Variants in SRBD1 observed in about 807,000 individuals in gnomAD.
SRBD1 encodes the protein S1 RNA-binding domain-containing protein 1.
A neutral mutation model predicts 115.3 loss-of-function variants in SRBD1; 88 were observed. That is an observed-to-expected ratio of 0.76 (90% CI 0.64 to 0.91). The LOEUF is 0.91. Among genes scored for constraint, SRBD1 ranks in the 40% least tolerant of loss-of-function variants. The pLI is 0.00. For missense variants in SRBD1, 1,385 were observed against 1,177.4 expected, an observed-to-expected ratio of 1.18 and a Z score of -2.58; for synonymous variants, 509 against 407.7, an observed-to-expected ratio of 1.25 and a Z score of -2.99.
rs555195971 is a variant in SRBD1 at position 45,413,144 on chromosome 2, A to G, written c.2483T>C (p.Ile828Thr). ...LKPNPLDQTC[I>T]HPESYDIAMR... is the part of the protein sequence containing the mutation. ...TGCTATGTCATATGATTCTGGATGAATACAAGTTTGGTCCAAAGGATTTGG... is the reference window on the plus strand; with the variant it reads ...TGCTATGTCATATGATTCTGGATGAGTACAAGTTTGGTCCAAAGGATTTGG... The change falls in exon 19 of 21, where the codon ATT becomes ACT. Residue 828 changes from isoleucine (I) to threonine (T), a missense_variant. Ile to Thr is a moderately conservative substitution (Grantham distance 89, BLOSUM62 -1). Transcript: ENST00000263736. 1 of 1,614,072 alleles carries G rather than the reference A, an allele frequency of 6.2e-7. No homozygotes were observed. The highest frequency in any genetic ancestry group is 1.3e-5 in the African/African-American group (1 of 75,058).
intron 15 of SRBD1, among the ~76,000 whole-genome samples, chr2:45,482,832 C>CA (rs1670008032): frequency 6.6e-6 from 1 of 151,966 alleles, no homozygotes; most frequent in Non-Finnish European, 1.5e-5. Context: ...AAATGGAGTA[C>CA]CATTTGCATA....
At chr2:45,544,334 A>G (rs1466817619) in intron 14 of SRBD1, among the ~76,000 whole-genome samples, 1 of 152,186 alleles carries the variant, frequency 6.6e-6, no homozygotes, top group Non-Finnish European at 1.5e-5. Flanking sequence ...TAAAAATAGG[A>G]GATACATAAC....
At position 45,585,919 on chromosome 2, in the gene SRBD1, A is replaced by G. The variant is rs532848215; in HGVS notation, c.649-145T>C. ...TTTTTTAAAAAAAAGAAAGCCATAT[A>G]AAATACATGTATCCATTGACAATCA... On this transcript the variant is annotated intron_variant, in intron 4 of 20. Coordinates refer to ENST00000263736, the MANE Select transcript of SRBD1 (RefSeq NM_018079.5). The G allele has an allele frequency of 3.9e-4, 239 of 605,956 alleles. No individual in the cohort carries two copies. The East Asian group carries it at 6.7e-3, about 17-fold the overall frequency. The allele number at this position is 605,956 out of a possible 1,614,324, so 37.5% of individuals were successfully genotyped here. A position where few individuals can be genotyped will look rare whatever the true frequency, so the allele number is the denominator to read the frequency against.
At chr2:45,536,825 T>C (rs1056401427) in intron 14 of SRBD1, among the ~76,000 whole-genome samples, 2 of 152,188 alleles carry the variant, frequency 1.3e-5, no homozygotes, top group African/African-American at 4.8e-5. Flanking sequence ...AACTTCTCAG[T>C]AAAGACTCTT....
chr2:45,575,124 A>G (rs7563428), intron 7 of SRBD1, among the ~76,000 whole-genome samples: 13,508 of 152,242 alleles, frequency 0.089, 1,129 homozygotes, highest in African/African-American at 0.22. Flanking sequence ...TGGGAAATAT[A>G]TATTAATAGA....
intron 12 of SRBD1, among the ~76,000 whole-genome samples, chr2:45,549,808 A>G (rs985772840): frequency 2.0e-5 from 3 of 151,808 alleles, no homozygotes; most frequent in Non-Finnish European, 4.4e-5. Context: ...GGCTGCAGTG[A>G]GCTGAGATCA....
chr2:45,520,123 A>T (rs775254692), intron 14 of SRBD1, among the ~76,000 whole-genome samples: 10 of 152,228 alleles, frequency 6.6e-5, no homozygotes, highest in Non-Finnish European at 1.0e-4. Context: ...AATACTACTT[A>T]AAAAGACAGA....
intron 14 of SRBD1, among the ~76,000 whole-genome samples, chr2:45,509,353 T>C (rs1181478109): frequency 1.3e-5 from 2 of 151,948 alleles, no homozygotes; most frequent in African/African-American, 2.4e-5. Context: ...TCCCAGCACT[T>C]TGAGAGGCCG....
rs117232588 is a variant in SRBD1 at position 45,414,244 on chromosome 2, T to C, written c.2334-951A>G. On this transcript the variant is annotated intron_variant, in intron 18 of 20. Coordinates refer to ENST00000263736, the MANE Select transcript of SRBD1 (RefSeq NM_018079.5). The stretch of plus-strand genomic sequence containing the variant: ...ATTTGCAGGTATGTAAGGACTTAAG[T>C]ATAACCCATACCAAGCTCTAAAAGA... Among the ~76,000 whole-genome samples, 34 of 152,246 alleles carry C rather than the reference T, an allele frequency of 2.2e-4. 1 individual carries two copies. In the East Asian group the frequency reaches 6.4e-3, roughly 29 times the overall value.
At chr2:45,589,029 G>A (rs920287161) in intron 4 of SRBD1, among the ~76,000 whole-genome samples, 3 of 152,148 alleles carry the variant, frequency 2.0e-5, no homozygotes, top group Non-Finnish European at 4.4e-5. Context: ...TAAAATGTCT[G>A]TTCCCTCCCC....
rs1250725957 is a variant in SRBD1 at position 45,389,073 on chromosome 2, T to G, written c.*237A>C. 8.8e-6 allele frequency: 4 copies of G among 456,288 alleles called. No individual in the cohort carries two copies. Among genetic ancestry groups the G allele is most frequent in the African/African-American group, 7.9e-5 (4 of 50,528 alleles). 28.3% of individuals were successfully genotyped at this position (456,288 alleles called of 1,614,324 possible). A position where few individuals can be genotyped will look rare whatever the true frequency, so the allele number is the denominator to read the frequency against. On this transcript the variant is annotated 3_prime_UTR_variant, in exon 21 of 21. Coordinates refer to ENST00000263736, the MANE Select transcript of SRBD1 (RefSeq NM_018079.5). The stretch of plus-strand genomic sequence containing the variant: ...AACAAAATTTTAGTCAGAAAACTAT[T>G]ACTACATAAAGCCATATAAGAATGT...
intron 10 of SRBD1, among the ~76,000 whole-genome samples, chr2:45,554,437 T>C (rs1672408476): frequency 6.6e-6 from 1 of 152,212 alleles, no homozygotes; most frequent in Non-Finnish European, 1.5e-5. Flanking sequence ...CCTTTCTTTA[T>C]CTCTTTCTGA....
intron 17 of SRBD1, 33 bp from the exon 18 acceptor site, chr2:45,418,574 G>T (rs746742460): frequency 2.8e-5 from 42 of 1,506,282 alleles, no homozygotes; most frequent in Non-Finnish European, 3.5e-5. Context: ...CTGAAAAAAA[G>T]ATCTCATCTG....
intron 16 of SRBD1, among the ~76,000 whole-genome samples, chr2:45,443,807 A>C (rs1386005217): frequency 1.4e-5 from 1 of 71,996 alleles, no homozygotes; most frequent in South Asian, 4.3e-4. Context: ...GTTATTTTGA[A>C]AAAAAAAAAA....
intron 16 of SRBD1, among the ~76,000 whole-genome samples, chr2:45,426,057 C>A (rs977668946): frequency 6.6e-6 from 1 of 152,174 alleles, no homozygotes; most frequent in Non-Finnish European, 1.5e-5. Flanking sequence ...TCTAGCTCAG[C>A]AGATCCCAAC....
chr2:45,506,273 T>A (rs571307925), intron 14 of SRBD1, among the ~76,000 whole-genome samples: 55 of 152,292 alleles, frequency 3.6e-4, no homozygotes, highest in African/African-American at 1.2e-3. Context: ...TTATTCTCTA[T>A]TGGAATACAC....
In SRBD1 at chr2:45,600,184, T is replaced by C. The variant is rs1017694530; in HGVS notation, c.262-349A>G. 5.9e-5 allele frequency among the ~76,000 whole-genome samples: 9 copies of C among 152,242 alleles called. No homozygotes were observed. The East Asian group carries it at 1.2e-3, about 20-fold the overall frequency. Reference sequence around the variant, plus strand: ...TGCGATAAAATTGCACAGAACCAAGTACATACATATACATACACATGAATG... The same window carrying C: ...TGCGATAAAATTGCACAGAACCAAGCACATACATATACATACACATGAATG... On this transcript the variant is annotated intron_variant, in intron 3 of 20. Transcript: ENST00000263736.
chr2:45,545,834 T>C lies in SRBD1; in HGVS notation c.1874+898A>G, dbSNP rs1572758435. ...GACTCTGACTACACTCTTGGCACTC[T>C]TGACTATAATAACTGCCTGGCCTTT... On this transcript the variant is annotated intron_variant, in intron 14 of 20. Coordinates refer to ENST00000263736, the MANE Select transcript of SRBD1 (RefSeq NM_018079.5). Among the ~76,000 whole-genome samples, 3 of 152,238 alleles carry C rather than the reference T, an allele frequency of 2.0e-5. 1 individual carries two copies. Among genetic ancestry groups the C allele is most frequent in the Admixed American group, 1.3e-4 (2 of 15,286 alleles).
At chr2:45,469,934 AAAT>A (rs1419926204) in intron 16 of SRBD1, among the ~76,000 whole-genome samples, 1 of 152,222 alleles carries the variant, frequency 6.6e-6, no homozygotes, top group Non-Finnish European at 1.5e-5. Context: ...TCACCTGTGT[AAAT>A]AATGTCTCAG....
Sources: allele counts gnomAD v4.1 joint callset (sites outside exome capture counted in the v4.1 genomes callset), GRCh38; gene constraint gnomAD v4.1.1; transcripts MANE v1.5; gene names NCBI Gene and HGNC (gene_info 2026-07-23, HGNC 2026-07-21).